Variants in DNA2 observed in about 807,000 individuals in gnomAD.
DNA2 encodes the protein DNA replication ATP-dependent helicase/nuclease DNA2.
A neutral mutation model predicts 119.1 loss-of-function variants in DNA2; 101 were observed. The ratio of observed to expected loss-of-function variants is 0.85; its 90% confidence interval spans 0.72 to 1.00. The LOEUF is 1.00. Ranked by LOEUF, DNA2 falls within the 50% of genes least tolerant of loss-of-function variation. DNA2 has a pLI of 0.00. For synonymous variants in DNA2, 366 were observed against 424.4 expected, an observed-to-expected ratio of 0.86 and a Z score of 1.69; for missense variants, 1,121 against 1,255.5, an observed-to-expected ratio of 0.89 and a Z score of 1.62.
intron 8 of DNA2, 105 bp downstream of exon 8, chr10:68,444,816 A>G: frequency 1.4e-6 from 1 of 732,848 alleles, no homozygotes. Flanking sequence ...TAAAGGAAAA[A>G]TAACTAAAAT....
intron 13 of DNA2, among the ~76,000 whole-genome samples, chr10:68,431,269 C>G (rs2051817433): frequency 6.7e-6 from 1 of 149,082 alleles, no homozygotes; most frequent in Non-Finnish European, 1.5e-5. Context: ...AAAAAAAAAT[C>G]CAAGAAAAAT....
rs11356540 is a variant in DNA2 at position 68,444,725 on chromosome 10, C to CAA, written c.1220+194_1220+195dup. 2.0e-3 allele frequency among the ~76,000 whole-genome samples: 239 copies of CAA among 117,888 alleles called. 2 individuals are homozygous for CAA. Among genetic ancestry groups the CAA allele is most frequent in the African/African-American group, 6.8e-3 (222 of 32,552 alleles). The allele number at this position is 117,888 out of a possible 152,430, so 77.3% of individuals were successfully genotyped here. A position where few individuals can be genotyped will look rare whatever the true frequency, so the allele number is the denominator to read the frequency against. On this transcript the variant is annotated intron_variant, in intron 8 of 20. Transcript: ENST00000358410. Reference sequence around the variant, plus strand: ...GGCCACAAGAGCAAAAAGTCCGTCTCAAAAAAAAAAAAAAAAAGAAAGAAA... The same window carrying CAA: ...GGCCACAAGAGCAAAAAGTCCGTCTCAAAAAAAAAAAAAAAAAAAGAAAGAAA...
At chr10:68,437,383 C>T in intron 9 of DNA2, 142 bp from the exon 10 acceptor site, 2 of 709,328 alleles carry the variant, frequency 2.8e-6, no homozygotes, top group South Asian at 4.1e-5. Context: ...CGCCTGTAAT[C>T]CCAACACTCC....
chr10:68,470,576 T>C, intron 1 of DNA2: 1 of 454,036 alleles, frequency 2.2e-6, no homozygotes, highest in South Asian at 1.6e-5. Context: ...ATCATGCTAC[T>C]GCACCCCTTC....
At chr10:68,415,394 A>T (rs2051575690) in intron 20 of DNA2, among the ~76,000 whole-genome samples, 1 of 151,328 alleles carries the variant, frequency 6.6e-6, no homozygotes, top group Middle Eastern at 3.2e-3. Flanking sequence ...CTCCTGCCTC[A>T]GCCTCCCGAG....
chr10:68,423,327 A>G (rs1266744251), intron 14 of DNA2, among the ~76,000 whole-genome samples: 4 of 152,012 alleles, frequency 2.6e-5, no homozygotes, highest in African/African-American at 7.2e-5. Context: ...GGTGGAGAGA[A>G]GGCAGACCAG....
chr10:68,453,770 G>A (rs958373982), intron 5 of DNA2, among the ~76,000 whole-genome samples: 5 of 152,172 alleles, frequency 3.3e-5, no homozygotes, highest in Non-Finnish European at 5.9e-5. Context: ...ATACCATACG[G>A]CCTAGGTGTG....
intron 8 of DNA2, 62 bp downstream of exon 8, chr10:68,444,859 T>C (rs2052017239): frequency 7.6e-7 from 1 of 1,319,256 alleles, no homozygotes; most frequent in African/African-American, 1.5e-5. Context: ...CCACCAGTGT[T>C]AAACGTATTT....
At chr10:68,463,336 C>A (rs1008840467) in intron 4 of DNA2, among the ~76,000 whole-genome samples, 1 of 143,478 alleles carries the variant, frequency 7.0e-6, no homozygotes, top group African/African-American at 2.6e-5. Context: ...CCCAGCTACT[C>A]GGGAGGCTGA....
At chr10:68,435,786 G>T (rs1034313768) in intron 10 of DNA2, among the ~76,000 whole-genome samples, 1 of 152,072 alleles carries the variant, frequency 6.6e-6, no homozygotes, top group Admixed American at 6.6e-5. Context: ...CCATTTTGTT[G>T]TAACTGAAAT....
chr10:68,424,603 G>A (rs2133365984), intron 14 of DNA2: 4 of 1,374,738 alleles, frequency 2.9e-6, no homozygotes, highest in South Asian at 1.2e-5. Context: ...AGCAAAAACC[G>A]CAAACGTCAC....
chr10:68,423,571 A>G (rs977507456), intron 14 of DNA2, among the ~76,000 whole-genome samples: 1 of 152,236 alleles, frequency 6.6e-6, no homozygotes, highest in Non-Finnish European at 1.5e-5. Flanking sequence ...GAAAAAAAGT[A>G]CAGCCCCACA....
intron 10 of DNA2, among the ~76,000 whole-genome samples, chr10:68,436,208 G>T (rs894592506): frequency 2.0e-5 from 3 of 152,152 alleles, no homozygotes; most frequent in Non-Finnish European, 4.4e-5. Context: ...ACAAAATGTG[G>T]TGTATCCATA....
chr10:68,443,213 A>G (rs2051994038), intron 8 of DNA2, 102 bp from the exon 9 acceptor site: 2 of 987,754 alleles, frequency 2.0e-6, no homozygotes, highest in South Asian at 1.8e-5. Context: ...GATCATCATC[A>G]TAACTCATAA....
At chr10:68,425,084 ATTTC>A (rs1203966525) in intron 14 of DNA2, 20 of 203,748 alleles carry the variant, frequency 9.8e-5, no homozygotes, top group African/African-American at 4.3e-4. Context: ...TCTCTGGAAC[ATTTC>A]TTTTTTTTTT....
At chr10:68,415,219 G>T in intron 20 of DNA2, 112 bp from the exon 21 acceptor site, 4 of 605,036 alleles carry the variant, frequency 6.6e-6, no homozygotes, top group South Asian at 2.5e-5. Flanking sequence ...AAAAAAATAA[G>T]GATCTTTATG....
chr10:68,430,308 T>C, intron 14 of DNA2, 128 bp downstream of exon 14: 2 of 674,480 alleles, frequency 3.0e-6, no homozygotes, highest in Non-Finnish European at 5.0e-6. Flanking sequence ...AAACTGGTCG[T>C]ATAGTACATA....
chr10:68,450,215 C>T lies in DNA2; in HGVS notation c.752G>A (p.Cys251Tyr), dbSNP rs190693225. ...CATTGGTTTCACGACTTCAATGTTA[C>T]ATGTTGAATTATCCTTACTATTATC... ...PSDNSKDNSTCNIEVVKPMDI... is the reference protein window; with the variant it reads ...PSDNSKDNSTYNIEVVKPMDI... The change falls in exon 6 of 21, where the codon TGT becomes TAT. Residue 251 changes from cysteine to tyrosine, a missense_variant. Transcript: ENST00000358410. 2.0e-5 allele frequency: 31 copies of T among 1,586,038 alleles called. No homozygotes were observed. In the African/African-American group the frequency reaches 3.5e-4, roughly 18 times the overall value.
At chr10:68,429,790 T>A (rs1176753253) in intron 14 of DNA2, among the ~76,000 whole-genome samples, 1 of 139,376 alleles carries the variant, frequency 7.2e-6, no homozygotes, top group Non-Finnish European at 1.6e-5. Flanking sequence ...CAAAATAAAA[T>A]AAAAATTAGA....
Sources: allele counts gnomAD v4.1 joint callset (sites outside exome capture counted in the v4.1 genomes callset), GRCh38; gene constraint gnomAD v4.1.1; transcripts MANE v1.5; gene names NCBI Gene and HGNC (gene_info 2026-07-23, HGNC 2026-07-21).